KDM4C: variants seen among roughly 807,000 people sequenced by gnomAD.
KDM4C encodes the protein lysine demethylase 4C.
KDM4C carries 81 observed loss-of-function variants against 129.3 expected under a neutral mutation model. The observed-to-expected ratio is 0.63, with a 90% confidence interval of 0.52 to 0.75. The LOEUF is 0.75. Ranked by LOEUF, KDM4C falls within the 30% of genes least tolerant of loss-of-function variation. The pLI is 0.00. For synonymous variants in KDM4C, 573 were observed against 456.1 expected (o/e 1.26, Z -3.26); for missense variants, 1,457 against 1,304.0 (o/e 1.12, Z -1.81).
intron 8 of KDM4C, among the ~76,000 whole-genome samples, chr9:6,968,834 G>C (rs546813761): frequency 4.6e-5 from 7 of 152,194 alleles, no homozygotes; most frequent in African/African-American, 1.7e-4. Flanking sequence ...AAGTGAGATG[G>C]TATTTTATAT....
chr9:7,153,986 T>G lies in KDM4C; in HGVS notation c.2782-11252T>G, dbSNP rs148964001. 1.8e-3 allele frequency among the ~76,000 whole-genome samples: 272 copies of G among 152,270 alleles called. 1 individual carries two copies. Among genetic ancestry groups the G allele is most frequent in the Admixed American group, 5.8e-3 (88 of 15,300 alleles). ...TGTCTGAGAGAATTCTCTCTTCTAC[T>G]TGTTTCTCTGCATCTCTGATCACAG... On this transcript the variant is annotated intron_variant, in intron 19 of 21. Coordinates refer to ENST00000381309, the MANE Select transcript of KDM4C (RefSeq NM_015061.6).
intron 8 of KDM4C, among the ~76,000 whole-genome samples, chr9:6,959,814 A>G (rs1213677281): frequency 1.3e-5 from 2 of 152,182 alleles, no homozygotes; most frequent in Non-Finnish European, 2.9e-5. Flanking sequence ...AATAAAAGGA[A>G]ATGCCTGTCA....
At chr9:7,150,226 C>G (rs1292150462) in intron 19 of KDM4C, among the ~76,000 whole-genome samples, 1 of 152,190 alleles carries the variant, frequency 6.6e-6, no homozygotes, top group Non-Finnish European at 1.5e-5. Flanking sequence ...TCACCTCTTT[C>G]TTTAAGGCCT....
intron 8 of KDM4C, among the ~76,000 whole-genome samples, chr9:6,934,809 C>A (rs1824454464): frequency 6.6e-6 from 1 of 151,728 alleles, no homozygotes; most frequent in Non-Finnish European, 1.5e-5. Flanking sequence ...ACTGATCCTT[C>A]TTTTTCCAAA....
At chr9:7,114,355 C>G (rs1165454586) in intron 18 of KDM4C, among the ~76,000 whole-genome samples, 1 of 152,096 alleles carries the variant, frequency 6.6e-6, no homozygotes, top group Admixed American at 6.6e-5. Flanking sequence ...TTTATCTGTT[C>G]TGATATGTAT....
chr9:6,805,656 C>G lies in KDM4C; in HGVS notation c.202C>G (p.Leu68Val). 6.2e-7 allele frequency: 1 copy of G among 1,613,906 alleles called. No homozygotes were observed. The highest frequency in any genetic ancestry group is 8.5e-7 in the Non-Finnish European group (1 of 1,179,908). ...GTGCTATGATGACATTGATAATTTG[C>G]TCATTCCAGCACCAATTCAGCAGAT... Reference protein sequence around the residue: ...RQCYDDIDNLLIPAPIQQMVT... With the variant: ...RQCYDDIDNLVIPAPIQQMVT... The change falls in exon 3 of 22, where the codon CTC (leucine) becomes GTC (valine). Residue 68 changes from leucine to valine, a missense_variant. Transcript: ENST00000381309.
intron 19 of KDM4C, among the ~76,000 whole-genome samples, chr9:7,133,112 C>T (rs748016012): frequency 1.3e-5 from 2 of 152,124 alleles, no homozygotes; most frequent in Non-Finnish European, 2.9e-5. Context: ...TTTTCCAGCC[C>T]CAGTTTTTTT....
intron 19 of KDM4C, among the ~76,000 whole-genome samples, chr9:7,156,636 C>G (rs867073412): frequency 9.2e-5 from 14 of 152,150 alleles, no homozygotes; most frequent in Non-Finnish European, 1.8e-4. Flanking sequence ...TTGTTTTTGT[C>G]AGGTTTGTCA....
intron 4 of KDM4C, among the ~76,000 whole-genome samples, chr9:6,840,971 G>A (rs1318644377): frequency 6.6e-6 from 1 of 152,206 alleles, no homozygotes; most frequent in East Asian, 1.9e-4. Flanking sequence ...ACATCTAAAT[G>A]TAACTTGGTG....
chr9:6,985,129 G>A (rs1334920357), intron 10 of KDM4C, among the ~76,000 whole-genome samples: 2 of 152,102 alleles, frequency 1.3e-5, no homozygotes, highest in African/African-American at 4.8e-5. Flanking sequence ...CTGTTGCCTG[G>A]ATGACTGCAG....
At chr9:7,108,202 C>G (rs1325537236) in intron 18 of KDM4C, among the ~76,000 whole-genome samples, 1 of 152,122 alleles carries the variant, frequency 6.6e-6, no homozygotes, top group Admixed American at 6.5e-5. Context: ...AGTAATACAA[C>G]TGAGTCCTTG....
intron 18 of KDM4C, among the ~76,000 whole-genome samples, chr9:7,119,878 C>T (rs1448188320): frequency 6.6e-6 from 1 of 152,134 alleles, no homozygotes; most frequent in Non-Finnish European, 1.5e-5. Context: ...CTTCCCTGAT[C>T]TGAGCTCTCT....
At chr9:6,730,050 C>T (rs1216257275) in intron 1 of KDM4C, among the ~76,000 whole-genome samples, 1 of 84,616 alleles carries the variant, frequency 1.2e-5, no homozygotes, top group Non-Finnish European at 2.1e-5. Flanking sequence ...ATGGAGGCTG[C>T]AGTGGGCCGA....
chr9:6,880,562 G>A lies in KDM4C; in HGVS notation c.679+501G>A, dbSNP rs114469922. On this transcript the variant is annotated intron_variant, in intron 6 of 21. Coordinates refer to ENST00000381309, the MANE Select transcript of KDM4C (RefSeq NM_015061.6). The stretch of plus-strand genomic sequence containing the variant: ...ACTGGGACTGGAGGTGTGCCCTTAG[G>A]GAAGTGTGAAGGTGAATGGCTCTGA... Among the ~76,000 whole-genome samples, 1,424 of 152,220 alleles carry A rather than the reference G, an allele frequency of 9.4e-3. 26 individuals carry two copies. Among genetic ancestry groups the A allele is most frequent in the African/African-American group, 0.032 (1,333 of 41,544 alleles).
intron 19 of KDM4C, among the ~76,000 whole-genome samples, chr9:7,163,166 C>G (rs1843991073): frequency 6.6e-6 from 1 of 152,138 alleles, no homozygotes; most frequent in Non-Finnish European, 1.5e-5. Flanking sequence ...ACCAAACTTT[C>G]TTGGCTTGCA....
intron 15 of KDM4C, among the ~76,000 whole-genome samples, chr9:7,025,645 T>C (rs543179965): frequency 1.3e-5 from 2 of 152,224 alleles, no homozygotes; most frequent in Admixed American, 1.3e-4. Flanking sequence ...AGAAAACCAA[T>C]AAAAGCTCTA....
chr9:7,114,896 C>T (rs1838726976), intron 18 of KDM4C, among the ~76,000 whole-genome samples: 1 of 152,018 alleles, frequency 6.6e-6, no homozygotes, highest in Non-Finnish European at 1.5e-5. Context: ...CTGGGCAACA[C>T]AACAAAAACC....
chr9:6,942,719 G>C (rs982556703), intron 8 of KDM4C: 2 of 152,070 alleles, frequency 1.3e-5, no homozygotes, highest in African/African-American at 4.8e-5. Flanking sequence ...TTAAATTAAG[G>C]CTTTCACGTA....
At chr9:6,875,574 C>T (rs1025318472) in intron 5 of KDM4C, among the ~76,000 whole-genome samples, 1 of 152,144 alleles carries the variant, frequency 6.6e-6, no homozygotes, top group Non-Finnish European at 1.5e-5. Flanking sequence ...AGAGTTGAGG[C>T]ATTAGAGTTC....
Sources: gnomAD v4.1 joint callset for allele counts (sites outside exome capture counted in the v4.1 genomes callset) on GRCh38, gnomAD v4.1.1 for gene constraint, MANE v1.5 for transcripts, NCBI Gene and HGNC (gene_info 2026-07-23, HGNC 2026-07-21) for gene names.